The following LRP3 variants were observed in gnomAD, a reference collection of about 807,000 sequenced individuals.
LRP3 encodes low-density lipoprotein receptor-related protein 3.
In LRP3, 49 loss-of-function variants were observed where a neutral mutation model predicts 58.5. That is an observed-to-expected ratio of 0.84 (90% CI 0.67 to 1.06). The LOEUF is 1.06. LRP3 is among the 50% of genes least tolerant of loss of function. The pLI is 0.00. For synonymous variants in LRP3, 485 were observed against 492.2 expected (o/e 0.99, Z 0.20); for missense variants, 1,019 against 1,134.2 (o/e 0.90, Z 1.46).
chr19:33,194,716 G>GGAGCCGCAGCCAGAGCCAGAGCCA lies in LRP3; in HGVS notation c.-59_-58insAGAGCCAGAGCCAGAGCCGCAGCC. The stretch of plus-strand genomic sequence containing the variant: ...CCGAGCCGCAGCCAGAGCCAGAGCC[G>GGAGCCGCAGCCAGAGCCAGAGCCA]GAGCCGCAGCCGGAACCGGAGCCGG... On this transcript the variant is annotated 5_prime_UTR_variant, in exon 1 of 7. Coordinates refer to ENST00000253193, the MANE Select transcript of LRP3 (RefSeq NM_002333.4). The GGAGCCGCAGCCAGAGCCAGAGCCA allele has an allele frequency of 2.1e-6, 1 of 478,564 alleles. No homozygotes were observed. The highest frequency in any genetic ancestry group is 8.4e-5 in the South Asian group (1 of 11,952). The allele number at this position is 478,564 out of a possible 1,614,324, so 29.6% of individuals were successfully genotyped here.
At chr19:33,199,954 G>T (rs543320672) in intron 2 of LRP3, among the ~76,000 whole-genome samples, 1 of 152,216 alleles carries the variant, frequency 6.6e-6, no homozygotes, top group South Asian at 2.1e-4. Context: ...CCTAGGGGAG[G>T]CCTCTGGGGC....
intron 3 of LRP3, chr19:33,204,354 C>T: frequency 2.0e-6 from 1 of 499,588 alleles, no homozygotes; most frequent in Non-Finnish European, 3.6e-6. Flanking sequence ...GTACTGTGTG[C>T]ACTGATGGAG....
At chr19:33,202,709 C>T in intron 2 of LRP3, 139 bp from the exon 3 acceptor site, 1 of 964,160 alleles carries the variant, frequency 1.0e-6, no homozygotes, top group Non-Finnish European at 1.5e-6. Context: ...AAGTTGTGGC[C>T]TTGCCCTTGG....
Position 33,208,066 on chromosome 19 carries a change from C to A in LRP3, c.*491C>A. ...GGTTGGGTGGCTCCTGCCAAACCCTCATGCCCCTGGCCAGGCAGGCGCCCT... is the reference window on the plus strand; with the variant it reads ...GGTTGGGTGGCTCCTGCCAAACCCTAATGCCCCTGGCCAGGCAGGCGCCCT... On this transcript the variant is annotated 3_prime_UTR_variant, in exon 7 of 7. Transcript: ENST00000253193. The surrounding 1 kb of genome is among the most constrained non-coding windows in gnomAD (Gnocchi z 4.7). The A allele has an allele frequency of 5.9e-6, 1 of 169,234 alleles. No individual in the cohort carries two copies. The highest frequency in any genetic ancestry group is 1.3e-5 in the Non-Finnish European group (1 of 77,850). The allele number at this position is 169,234 out of a possible 1,614,324, so 10.5% of individuals were successfully genotyped here.
chr19:33,195,265 C>T (rs1974274081), intron 1 of LRP3, among the ~76,000 whole-genome samples: 2 of 152,228 alleles, frequency 1.3e-5, no homozygotes, highest in African/African-American at 4.8e-5. Flanking sequence ...TGGTGTAAGC[C>T]GCAGATGGGG....
chr19:33,206,982 C>T lies in LRP3; in HGVS notation c.1726-6C>T. On this transcript the variant is annotated splice_region_variant and splice_polypyrimidine_tract_variant and intron_variant, in intron 6 of 6. Transcript: ENST00000253193. ...CCCCCCGCCCCTACCCTGCTCCACC[C>T]CACAGGCCTCTGTGCTGCAGAATCT... The T allele has an allele frequency of 6.8e-7, 1 of 1,471,462 alleles. No homozygotes were observed. The highest frequency in any genetic ancestry group is 1.5e-5 in the African/African-American group (1 of 68,754). 91.2% of individuals were successfully genotyped at this position (1,471,462 alleles called of 1,614,324 possible).
At chr19:33,194,975 C>T in intron 1 of LRP3, 117 bp downstream of exon 1, 1 of 356,410 alleles carries the variant, frequency 2.8e-6, no homozygotes, top group Non-Finnish European at 4.1e-6. Context: ...CGGTGGCTCC[C>T]GCGCGGAGAC....
chr19:33,203,061 T>C (rs1599934971), intron 3 of LRP3, 75 bp downstream of exon 3: 1 of 1,528,758 alleles, frequency 6.5e-7, no homozygotes, highest in Non-Finnish European at 8.9e-7. Flanking sequence ...TGTGTGTGTG[T>C]GAGCAGGTGT....
rs776557400 is a variant in LRP3, at chr19:33,205,968, G to T, written c.1198G>T (p.Gly400Cys). 1 of 1,582,848 alleles carries T rather than the reference G, an allele frequency of 6.3e-7. No individual in the cohort carries two copies. The highest frequency in any genetic ancestry group is 8.6e-7 in the Non-Finnish European group (1 of 1,164,420). Residue 400 changes from glycine (G) to cysteine (C), a missense_variant, in exon 5 of 7, where the codon GGC becomes TGC. This residue lies in a region of LRP3 where 592 missense variants were observed against 725.5 expected (regional missense o/e 0.82). Transcript: ENST00000253193. ...GCFSEPQRCD[G>C]WWHCASGRDE... ...CTTCTCAGAGCCACAGCGCTGTGATGGCTGGTGGCATTGTGCCAGCGGCCG... is the reference window on the plus strand; with the variant it reads ...CTTCTCAGAGCCACAGCGCTGTGATTGCTGGTGGCATTGTGCCAGCGGCCG...
chr19:33,202,947 G>A lies in LRP3; in HGVS notation c.221G>A (p.Trp74Ter). The A allele has an allele frequency of 6.2e-7, 1 of 1,612,924 alleles. No homozygotes were observed. Among genetic ancestry groups the A allele is most frequent in the South Asian group, 1.1e-5 (1 of 90,890 alleles). The change falls in exon 3 of 7, where the codon TGG becomes TAG. Residue 74 changes from tryptophan to a stop codon, truncating the protein, a stop_gained. Transcript: ENST00000253193. LOFTEE classifies it high-confidence loss of function. The part of the protein sequence containing the change: ...LNYPPGTNCS[W>*]YIQGDRGDMI... ...TACCCGCCAGGCACCAACTGCAGCTGGTACATCCAGGGCGACCGTGGTGAC... is the reference window on the plus strand; with the variant it reads ...TACCCGCCAGGCACCAACTGCAGCTAGTACATCCAGGGCGACCGTGGTGAC...
chr19:33,207,759 G>GC lies in LRP3; in HGVS notation c.*184_*185insC, dbSNP rs760107573. 2 of 596,978 alleles carry GC rather than the reference G, an allele frequency of 3.4e-6. No homozygotes were observed. The highest frequency in any genetic ancestry group is 5.6e-5 in the East Asian group (2 of 35,716). The allele number at this position is 596,978 out of a possible 1,614,324, so 37.0% of individuals were successfully genotyped here. On this transcript the variant is annotated 3_prime_UTR_variant, in exon 7 of 7. Transcript: ENST00000253193. ...AGCTGTGGGACTGAACGGCGGGGGG[G>GC]AGAAGAGTGGAGTGGTGAGCCCGTC...
intron 2 of LRP3, among the ~76,000 whole-genome samples, chr19:33,197,619 C>A (rs1974299181): frequency 6.6e-6 from 1 of 152,106 alleles, no homozygotes; most frequent in Admixed American, 6.5e-5. Flanking sequence ...AGAGCGAGAC[C>A]CTGTCTGTAA....
rs778754786 is a variant in LRP3 at position 33,206,741 on chromosome 19, C to T, written c.1725+8C>T. On this transcript the variant is annotated splice_region_variant and intron_variant, in intron 6 of 6. Coordinates refer to ENST00000253193, the MANE Select transcript of LRP3 (RefSeq NM_002333.4). ...GTCTACAGTGCGTCCCAGGTGAGCC[C>T]CCGGAGGGCGTGAGGCCCCTCCGGG... 1 of 1,511,534 alleles carries T rather than the reference C, an allele frequency of 6.6e-7. No individual in the cohort carries two copies. Among genetic ancestry groups the T allele is most frequent in the East Asian group, 2.3e-5 (1 of 43,720 alleles). 93.6% of individuals were successfully genotyped at this position (1,511,534 alleles called of 1,614,324 possible).
chr19:33,199,269 CT>C (rs904455903), intron 2 of LRP3, among the ~76,000 whole-genome samples: 17 of 152,176 alleles, frequency 1.1e-4, no homozygotes, highest in Non-Finnish European at 1.9e-4. Flanking sequence ...TTGGCAACCC[CT>C]GACCCTGTGC....
intron 4 of LRP3, 82 bp downstream of exon 4, chr19:33,204,934 C>G (rs1009310306): frequency 7.6e-7 from 1 of 1,321,614 alleles, no homozygotes; most frequent in Non-Finnish European, 1.1e-6. Context: ...GGGGCGGCAC[C>G]CTCCACAGGG....
Position 33,207,752 on chromosome 19 carries a change from C to CT in LRP3, c.*177_*178insT, listed in dbSNP as rs1568385350. The CT allele has an allele frequency of 9.4e-5, 53 of 563,464 alleles. 1 individual carries two copies. Among genetic ancestry groups the CT allele is most frequent in the African/African-American group, 5.9e-4 (25 of 42,536 alleles). The allele number at this position is 563,464 out of a possible 1,614,324, so 34.9% of individuals were successfully genotyped here. ...GGGCGGGAGCTGTGGGACTGAACGG[C>CT]GGGGGGGAGAAGAGTGGAGTGGTGA... On this transcript the variant is annotated 3_prime_UTR_variant, in exon 7 of 7. Transcript: ENST00000253193.
intron 1 of LRP3, among the ~76,000 whole-genome samples, chr19:33,196,206 C>T (rs1974283849): frequency 6.6e-6 from 1 of 152,130 alleles, no homozygotes; most frequent in Non-Finnish European, 1.5e-5. Flanking sequence ...CCCCTCCTGC[C>T]TCTGCTGCTG....
intron 2 of LRP3, among the ~76,000 whole-genome samples, chr19:33,197,333 GA>G (rs2145448087): frequency 6.6e-6 from 1 of 152,304 alleles, no homozygotes; most frequent in South Asian, 2.1e-4. Flanking sequence ...GCTTCCGTGG[GA>G]AAGTCTCGAC....
Position 33,206,321 on chromosome 19 carries a change from C to T in LRP3, c.1551C>T (p.Gly517=), listed in dbSNP as rs1346010156. Reference sequence around the variant, plus strand: ...GCCTGCTGCTGGTCATCGCGCTGGGCTGCGCCTTCAAGCTCTACTCACTGC... The same window carrying T: ...GCCTGCTGCTGGTCATCGCGCTGGGTTGCGCCTTCAAGCTCTACTCACTGC... ...VCGLLLVIAL[G]CAFKLYSLRT... The change falls in exon 5 of 7, where the codon GGC becomes GGT. Residue 517 remains glycine, a synonymous_variant. Coordinates refer to ENST00000253193, the MANE Select transcript of LRP3 (RefSeq NM_002333.4). 2.5e-6 allele frequency: 4 copies of T among 1,600,394 alleles called. No homozygotes were observed. The South Asian group carries it at 3.3e-5, about 13-fold the overall frequency.
Sources: gnomAD v4.1 joint callset for allele counts (sites outside exome capture counted in the v4.1 genomes callset) on GRCh38, gnomAD v4.1.1 for gene constraint, gnomAD v4.1.1 regional missense constraint, Gnocchi (gnomAD v3.1) non-coding constraint, MANE v1.5 for transcripts, NCBI Gene and HGNC (gene_info 2026-07-23, HGNC 2026-07-21) for gene names.